Variants in DHX29 observed in about 807,000 individuals in gnomAD.
The protein encoded by DHX29 is ATP-dependent RNA helicase DHX29.
In DHX29, 79 loss-of-function variants were observed where a neutral mutation model predicts 167.9. The ratio of observed to expected loss-of-function variants is 0.47; its 90% CI spans 0.39 to 0.57. DHX29 has a LOEUF of 0.57. Among genes scored for constraint, DHX29 ranks in the 20% least tolerant of loss-of-function variants. The probability of loss-of-function intolerance (pLI) is 0.00; values close to 1 mark genes in which losing one functional copy is unlikely to be tolerated. For missense variants in DHX29, 1,347 were observed against 1,593.4 expected (o/e 0.85, Z 2.63); for synonymous variants, 530 against 546.0 (o/e 0.97, Z 0.41).
At chr5:55,290,060 C>T (rs1210010039) in intron 7 of DHX29, among the ~76,000 whole-genome samples, 158 bp downstream of exon 7, 1 of 152,146 alleles carries the variant, frequency 6.6e-6, no homozygotes, top group African/African-American at 2.4e-5. Flanking sequence ...CCATGAAGTC[C>T]ACAGTATTTA....
Position 55,304,626 on chromosome 5 carries a change from C to G in DHX29, c.187+2761G>C, listed in dbSNP as rs372651784. ...CCTTCTTATATGATGCCTTCCTTCC[C>G]TGACCATCCTATTTAATACTGAACC... On this transcript the variant is annotated intron_variant, in intron 1 of 26. Transcript: ENST00000251636. Among the ~76,000 whole-genome samples the G allele has an allele frequency of 1.3e-3, 203 of 152,042 alleles. 2 individuals carry two copies. In the Middle Eastern group the frequency reaches 0.024, roughly 18 times the overall value.
chr5:55,275,198 T>C (rs1314419321), intron 14 of DHX29, among the ~76,000 whole-genome samples, 188 bp from the exon 15 acceptor site: 2 of 152,172 alleles, frequency 1.3e-5, no homozygotes, highest in Admixed American at 6.5e-5. Context: ...AAATATCATC[T>C]CTGTCCTATA....
rs1748932320 is a variant in DHX29 at position 55,307,412 on chromosome 5, G to C, written c.162C>G (p.Gly54=). The change falls in exon 1 of 27, where the codon GGC becomes GGG. Residue 54 remains glycine, a synonymous_variant. Coordinates refer to ENST00000251636, the MANE Select transcript of DHX29 (RefSeq NM_019030.4). ...RPATAAAAAA[G]SREPRVKQGP... ...CTTGCTTGACACGGGGCTCCCTGGA[G>C]CCGGCAGCGGCAGCGGCAGCGGTGG... 6.2e-7 allele frequency: 1 copy of C among 1,612,722 alleles called. No homozygotes were observed. The highest frequency in any genetic ancestry group is 1.3e-5 in the African/African-American group (1 of 74,896).
intron 1 of DHX29, among the ~76,000 whole-genome samples, chr5:55,301,205 G>A (rs1016074876): frequency 1.3e-5 from 2 of 152,088 alleles, no homozygotes; most frequent in African/African-American, 4.8e-5. Context: ...CATTCAGTTC[G>A]TAACATCTAG....
chr5:55,307,663 G>T lies in DHX29; in HGVS notation c.-90C>A. On this transcript the variant is annotated 5_prime_UTR_variant, in exon 1 of 27. Transcript: ENST00000251636. ...GCTCTTCACATTCCCCGGCTCCGGG[G>T]CTGCCACCCTGCGCTTCGATCCGGG... 1 of 1,506,568 alleles carries T rather than the reference G, an allele frequency of 6.6e-7. No homozygotes were observed. The highest frequency in any genetic ancestry group is 9.0e-7 in the Non-Finnish European group (1 of 1,112,544). The allele number at this position is 1,506,568 out of a possible 1,614,324, so 93.3% of individuals were successfully genotyped here.
At chr5:55,263,191 T>C (rs1242149492) in intron 23 of DHX29, among the ~76,000 whole-genome samples, 1 of 152,184 alleles carries the variant, frequency 6.6e-6, no homozygotes, top group Non-Finnish European at 1.5e-5. Context: ...CAGAAAAATG[T>C]GTCTGAACAC....
At chr5:55,287,822 G>A (rs374972022) in intron 8 of DHX29, among the ~76,000 whole-genome samples, 6 of 151,632 alleles carry the variant, frequency 4.0e-5, no homozygotes, top group African/African-American at 1.5e-4. Flanking sequence ...GGTGGCACAC[G>A]CCTGTAATCC....
intron 2 of DHX29, 61 bp downstream of exon 2, chr5:55,298,530 T>A: frequency 1.9e-6 from 2 of 1,038,338 alleles, no homozygotes; most frequent in South Asian, 1.4e-5. Flanking sequence ...AGGATACATC[T>A]TTTTTGGGGG....
Position 55,272,090 on chromosome 5 carries a change from T to G in DHX29, c.2861A>C (p.Asn954Thr). The change falls in exon 18 of 27, where the codon AAT becomes ACT. Residue 954 changes from asparagine to threonine, a missense_variant. Coordinates refer to ENST00000251636, the MANE Select transcript of DHX29 (RefSeq NM_019030.4). ...FVIDTGRTKE[N>T]KYHESSQMSS... is the part of the protein sequence containing the mutation. ...GATTTGGGAAATTTAAACTTACTTATTTTCTTTTGTTCTTCCAGTATCAAT... is the reference window on the plus strand; with the variant it reads ...GATTTGGGAAATTTAAACTTACTTAGTTTCTTTTGTTCTTCCAGTATCAAT... 3 of 1,553,396 alleles carry G rather than the reference T, an allele frequency of 1.9e-6. No homozygotes were observed. The highest frequency in any genetic ancestry group is 2.6e-6 in the Non-Finnish European group (3 of 1,138,776).
rs964333414 is a variant in DHX29, at chr5:55,307,416, G to C, written c.158C>G (p.Ala53Gly). Residue 53 changes from alanine (A) to glycine (G), a missense_variant, in exon 1 of 27, where the codon GCC (alanine) becomes GGC (glycine). Physicochemically the swap from Ala to Gly is moderately conservative, Grantham distance 60 (BLOSUM62 0). This residue lies in a region of DHX29 where 405 missense variants were observed against 416.8 expected (regional missense o/e 0.97). Coordinates refer to ENST00000251636, the MANE Select transcript of DHX29 (RefSeq NM_019030.4). ...CTTGACACGGGGCTCCCTGGAGCCG[G>C]CAGCGGCAGCGGCAGCGGTGGCCGG... ...SRPATAAAAAAGSREPRVKQG... is the reference protein window; with the variant it reads ...SRPATAAAAAGGSREPRVKQG... 1.9e-6 allele frequency: 3 copies of C among 1,611,504 alleles called. No homozygotes were observed. The highest frequency in any genetic ancestry group is 2.5e-6 in the Non-Finnish European group (3 of 1,179,360).
intron 6 of DHX29, among the ~76,000 whole-genome samples, chr5:55,291,993 A>G (rs1367157611): frequency 6.6e-6 from 1 of 152,196 alleles, no homozygotes; most frequent in Admixed American, 6.5e-5. Flanking sequence ...CAGTGTACAA[A>G]TATCTCCTCC....
intron 1 of DHX29, among the ~76,000 whole-genome samples, chr5:55,302,497 G>C (rs1748653246): frequency 6.6e-6 from 1 of 150,544 alleles, no homozygotes; most frequent in African/African-American, 2.4e-5. Flanking sequence ...GCTTGTGCCT[G>C]TAATCCCAGC....
intron 10 of DHX29, 162 bp from the exon 11 acceptor site, chr5:55,283,973 A>T (rs1345697353): frequency 5.5e-6 from 3 of 546,116 alleles, no homozygotes; most frequent in Non-Finnish European, 9.2e-6. Flanking sequence ...TCAATTGATT[A>T]GCACTTGATA....
At chr5:55,278,436 G>A (rs1747231890) in intron 12 of DHX29, among the ~76,000 whole-genome samples, 1 of 152,142 alleles carries the variant, frequency 6.6e-6, no homozygotes, top group South Asian at 2.1e-4. Context: ...TTCTATAAAA[G>A]GAGAATACAA....
intron 14 of DHX29, 31 bp downstream of exon 14, chr5:55,276,235 T>C (rs762752494): frequency 1.4e-5 from 22 of 1,527,404 alleles, no homozygotes; most frequent in Non-Finnish European, 1.9e-5. Flanking sequence ...GATATCATTA[T>C]CTGATATCTT....
At chr5:55,278,093 G>GA (rs1260471347) in intron 12 of DHX29, among the ~76,000 whole-genome samples, 2 of 152,152 alleles carry the variant, frequency 1.3e-5, no homozygotes, top group Non-Finnish European at 2.9e-5. Flanking sequence ...ATCACTGTCA[G>GA]AAAAAAGGGT....
intron 5 of DHX29, 161 bp downstream of exon 5, chr5:55,295,218 T>C: frequency 3.3e-6 from 2 of 613,786 alleles, no homozygotes; most frequent in Non-Finnish European, 2.8e-6. Context: ...GAGTGGTTTG[T>C]TATATAACTA....
chr5:55,282,037 C>A (rs754285974), intron 11 of DHX29, among the ~76,000 whole-genome samples: 37 of 152,168 alleles, frequency 2.4e-4, no homozygotes, highest in Admixed American at 4.6e-4. Flanking sequence ...CCCCCCGCCT[C>A]AGCCTCCCAA....
chr5:55,280,078 CCTGA>C (rs1199717101), intron 12 of DHX29, among the ~76,000 whole-genome samples: 2 of 152,132 alleles, frequency 1.3e-5, no homozygotes, highest in Non-Finnish European at 2.9e-5. Flanking sequence ...GGAGCATTAT[CCTGA>C]CTGTCTTCAT....
Sources: allele counts gnomAD v4.1 joint callset (sites outside exome capture counted in the v4.1 genomes callset), GRCh38; gene constraint gnomAD v4.1.1; regional missense constraint gnomAD v4.1.1; transcripts MANE v1.5; gene names NCBI Gene and HGNC (gene_info 2026-07-23, HGNC 2026-07-21).